MAP2: variants seen among roughly 807,000 people sequenced by gnomAD.
MAP2 encodes the protein microtubule associated protein 2.
Under a neutral mutation model 137.6 loss-of-function variants are expected in MAP2, and 14 were observed. The observed-to-expected ratio is 0.10, with a 90% CI of 0.07 to 0.16. The LOEUF is 0.16. Ranked by LOEUF, MAP2 falls within the 10% of genes least tolerant of loss-of-function variation. MAP2 has a pLI of 1.00. For missense variants in MAP2, 2,088 were observed against 2,191.5 expected, an observed-to-expected ratio of 0.95 and a Z score of 0.94; for synonymous variants, 786 against 782.3, an observed-to-expected ratio of 1.00 and a Z score of -0.08.
chr2:209,544,392 T>C (rs2067634463), intron 2 of MAP2, among the ~76,000 whole-genome samples: 1 of 152,202 alleles, frequency 6.6e-6, no homozygotes, highest in Admixed American at 6.5e-5. Context: ...GGGGAAGGAA[T>C]CTTCACTTTG....
chr2:209,603,534 A>C (rs1240047209), intron 3 of MAP2, among the ~76,000 whole-genome samples: 1 of 152,110 alleles, frequency 6.6e-6, no homozygotes. Flanking sequence ...GTAACCATTT[A>C]AGCAAGCATT....
intron 1 of MAP2, among the ~76,000 whole-genome samples, chr2:209,427,508 G>T (rs1011739756): frequency 1.1e-4 from 16 of 152,050 alleles, no homozygotes; most frequent in African/African-American, 3.9e-4. Flanking sequence ...TGTAAGGACT[G>T]TATTTTGATC....
At chr2:209,679,540 A>AT (rs149163342) in intron 6 of MAP2, among the ~76,000 whole-genome samples, 31,738 of 151,766 alleles carry the variant, frequency 0.21, 5,080 homozygotes, top group African/African-American at 0.45. Flanking sequence ...AGGCCTAAAA[A>AT]AGTACATATC....
intron 3 of MAP2, among the ~76,000 whole-genome samples, chr2:209,593,724 A>T (rs1237411562): frequency 3.5e-5 from 2 of 56,490 alleles, no homozygotes; most frequent in Non-Finnish European, 6.5e-5. Flanking sequence ...TTATATATAA[A>T]TATATAATAT....
rs76990954 is a variant in MAP2 at position 209,692,249 on chromosome 2, A to G, written c.455-376A>G. On this transcript the variant is annotated intron_variant, in intron 7 of 15. Transcript: ENST00000682079. Reference sequence around the variant, plus strand: ...GTACCCTAACATTAGCTGCTTACTCAATATTCATTAGCTTATAACTTTTAT... The same window carrying G: ...GTACCCTAACATTAGCTGCTTACTCGATATTCATTAGCTTATAACTTTTAT... Among the ~76,000 whole-genome samples, 1,041 of 152,022 alleles carry G rather than the reference A, an allele frequency of 6.8e-3. 4 individuals are homozygous for G. Among genetic ancestry groups the G allele is most frequent in the Non-Finnish European group, 0.01 (690 of 67,946 alleles).
intron 1 of MAP2, among the ~76,000 whole-genome samples, chr2:209,443,658 TG>T (rs1698371287): frequency 6.6e-6 from 1 of 151,608 alleles, no homozygotes; most frequent in Non-Finnish European, 1.5e-5. Context: ...ACTTCGGCCA[TG>T]GGGATAGTTT....
At chr2:209,621,126 C>T (rs905330504) in intron 3 of MAP2, among the ~76,000 whole-genome samples, 3 of 151,460 alleles carry the variant, frequency 2.0e-5, no homozygotes, top group Admixed American at 6.6e-5. Context: ...ACCCTGGAGG[C>T]GGAGGTTGCA....
intron 2 of MAP2, among the ~76,000 whole-genome samples, chr2:209,554,646 T>A (rs1339873968): frequency 1.3e-5 from 2 of 151,748 alleles, no homozygotes; most frequent in African/African-American, 2.4e-5. Flanking sequence ...GCTACTCAGG[T>A]GGCTGAGGTG....
At chr2:209,450,042 AG>A (rs1308296101) in intron 1 of MAP2, among the ~76,000 whole-genome samples, 1 of 152,102 alleles carries the variant, frequency 6.6e-6, no homozygotes, top group Non-Finnish European at 1.5e-5. Context: ...CCCAGGTTCA[AG>A]TGATTCTCCT....
chr2:209,690,469 A>G (rs2058512839), intron 7 of MAP2: 1 of 547,752 alleles, frequency 1.8e-6, no homozygotes, highest in Non-Finnish European at 2.8e-6. Context: ...GTTCATCCCA[A>G]TGGTAAAATA....
chr2:209,598,116 C>T (rs933381938), intron 3 of MAP2, among the ~76,000 whole-genome samples: 6 of 152,092 alleles, frequency 3.9e-5, no homozygotes, highest in Admixed American at 2.0e-4. Flanking sequence ...AGTGATTCTC[C>T]TGCCTCAGCC....
intron 1 of MAP2, among the ~76,000 whole-genome samples, chr2:209,480,072 G>A (rs1294508135): frequency 1.3e-5 from 2 of 152,044 alleles, no homozygotes; most frequent in Non-Finnish European, 2.9e-5. Flanking sequence ...ACCTAATAAT[G>A]TACATACTCA....
At position 209,625,138 on chromosome 2, in the gene MAP2, C is replaced by G. The variant is rs1206648935; in HGVS notation, c.-30+9C>G. On this transcript the variant is annotated intron_variant, in intron 4 of 15. Transcript: ENST00000682079. ...ACCACTTCCTTGAATAGGTAAGACT[C>G]TCTCTACTCTGAAAGAGTTACCTAC... 2.0e-5 allele frequency: 3 copies of G among 152,144 alleles called. No individual in the cohort carries two copies. The highest frequency in any genetic ancestry group is 4.4e-5 in the Non-Finnish European group (3 of 68,034). The allele number at this position is 152,144 out of a possible 1,614,324, so 9.4% of individuals were successfully genotyped here.
At chr2:209,630,671 C>A (rs1249050155) in intron 4 of MAP2, among the ~76,000 whole-genome samples, 1 of 151,828 alleles carries the variant, frequency 6.6e-6, no homozygotes, top group Non-Finnish European at 1.5e-5. Context: ...GTATAAAGAG[C>A]CAAAGAGTAG....
At chr2:209,576,238 T>G (rs1272547470) in intron 2 of MAP2, among the ~76,000 whole-genome samples, 1 of 152,028 alleles carries the variant, frequency 6.6e-6, no homozygotes, top group Non-Finnish European at 1.5e-5. Context: ...TTCTGCTAAT[T>G]TATTTATTTA....
intron 2 of MAP2, among the ~76,000 whole-genome samples, chr2:209,536,666 C>T (rs918378234): frequency 1.3e-5 from 2 of 152,028 alleles, no homozygotes; most frequent in Non-Finnish European, 2.9e-5. Flanking sequence ...ATGGTGGATC[C>T]CCAACTATGA....
In MAP2 at chr2:209,693,305, A is replaced by G; in HGVS notation, c.1135A>G (p.Met379Val). The change falls in exon 8 of 16, where the codon ATG (methionine) becomes GTG (valine). Residue 379 changes from methionine to valine, a missense_variant. Met to Val is a conservative substitution (Grantham distance 21, BLOSUM62 1). This residue lies in a region of MAP2 where 859 missense variants were observed against 794.5 expected (regional missense o/e 1.08). Transcript: ENST00000682079. Reference sequence around the variant, plus strand: ...GCCCCATGAGGCTAAACCTGACAAAATGGCAGAAGCACCACCCTCAGAGGC... The same window carrying G: ...GCCCCATGAGGCTAAACCTGACAAAGTGGCAGAAGCACCACCCTCAGAGGC... ...EEPHEAKPDK[M>V]AEAPPSEAMT... 1 of 1,614,006 alleles carries G rather than the reference A, an allele frequency of 6.2e-7. No individual in the cohort carries two copies. The highest frequency in any genetic ancestry group is 1.1e-5 in the South Asian group (1 of 91,042).
chr2:209,650,987 A>G (rs1469588263), intron 4 of MAP2, among the ~76,000 whole-genome samples: 2 of 152,240 alleles, frequency 1.3e-5, no homozygotes, highest in African/African-American at 2.4e-5. Context: ...AAAAGCATGT[A>G]AAGATTAGGA....
intron 1 of MAP2, among the ~76,000 whole-genome samples, chr2:209,474,721 C>T (rs544206053): frequency 1.3e-5 from 2 of 151,920 alleles, no homozygotes; most frequent in East Asian, 1.9e-4. Context: ...ACTTAAAGCT[C>T]GAAATGGGTG....
Sources: gnomAD v4.1 joint callset for allele counts (sites outside exome capture counted in the v4.1 genomes callset) on GRCh38, gnomAD v4.1.1 for gene constraint, gnomAD v4.1.1 regional missense constraint, MANE v1.5 for transcripts, NCBI Gene and HGNC (gene_info 2026-07-23, HGNC 2026-07-21) for gene names.